The following BRINP2 variants were observed in gnomAD, a reference collection of about 807,000 sequenced individuals.
The protein encoded by BRINP2 is BMP/retinoic acid inducible neural specific 2, also known as BMP/retinoic acid-inducible neural-specific protein 2.
Under a neutral mutation model 69.2 loss-of-function variants are expected in BRINP2, and 21 were observed. That is an observed-to-expected ratio of 0.30 (90% CI 0.22 to 0.44). The LOEUF (loss-of-function observed/expected upper bound fraction) is 0.44, where lower values mean the gene tolerates loss of function less well. Ranked by LOEUF, BRINP2 falls within the 20% of genes least tolerant of loss-of-function variation. BRINP2 has a pLI of 1.00. For missense variants in BRINP2, 877 were observed against 986.0 expected, an observed-to-expected ratio of 0.89 and a Z score of 1.48; for synonymous variants, 380 against 394.1, an observed-to-expected ratio of 0.96 and a Z score of 0.42.
At chr1:177,273,637 T>TAA in intron 5 of BRINP2, 44 bp downstream of exon 5, 13 of 1,051,572 alleles carry the variant, frequency 1.2e-5, no homozygotes, top group Admixed American at 3.4e-5. Flanking sequence ...ACACCTGATT[T>TAA]AAAAAAAAAA....
intron 1 of BRINP2, among the ~76,000 whole-genome samples, chr1:177,178,991 A>T (rs1648169668): frequency 6.6e-6 from 1 of 152,192 alleles, no homozygotes; most frequent in African/African-American, 2.4e-5. Flanking sequence ...ATTTGATCCT[A>T]TAAGGTAAGT....
chr1:177,244,120 A>G (rs567169019), intron 2 of BRINP2, among the ~76,000 whole-genome samples: 38 of 152,318 alleles, frequency 2.5e-4, no homozygotes, highest in African/African-American at 8.2e-4. Context: ...AAAAATGTCA[A>G]TGTCACAAAT....
rs1649133086 is a variant in BRINP2 at position 177,208,726 on chromosome 1, A to C, written c.-76-21075A>C. The stretch of plus-strand genomic sequence containing the variant: ...AACACAGTTATCACAGTAAGTGCTG[A>C]AAAGGAAGGTGTCTAGGAGTGACAC... On this transcript the variant is annotated intron_variant, in intron 1 of 7. Transcript: ENST00000361539. Among the ~76,000 whole-genome samples the C allele has an allele frequency of 2.6e-5, 4 of 152,194 alleles. No homozygotes were observed. The South Asian group carries it at 6.2e-4, about 24-fold the overall frequency.
At chr1:177,215,159 G>A (rs1649338823) in intron 1 of BRINP2, among the ~76,000 whole-genome samples, 2 of 152,106 alleles carry the variant, frequency 1.3e-5, no homozygotes, top group African/African-American at 4.8e-5. Context: ...TGCAGTATTT[G>A]TCTTTCTGTA....
At chr1:177,235,998 C>T (rs1210685688) in intron 2 of BRINP2, among the ~76,000 whole-genome samples, 5 of 152,134 alleles carry the variant, frequency 3.3e-5, no homozygotes, top group Non-Finnish European at 7.3e-5. Context: ...GAACGGTATA[C>T]AAACTGGTAT....
intron 2 of BRINP2, among the ~76,000 whole-genome samples, chr1:177,238,939 T>C (rs998445505): frequency 6.6e-6 from 1 of 152,236 alleles, no homozygotes; most frequent in Non-Finnish European, 1.5e-5. Flanking sequence ...TGTACACTTA[T>C]ATAACAGATG....
At chr1:177,210,957 A>G (rs1191870547) in intron 1 of BRINP2, among the ~76,000 whole-genome samples, 2 of 148,582 alleles carry the variant, frequency 1.3e-5, no homozygotes, top group Non-Finnish European at 3.0e-5. Flanking sequence ...TTCTTTTTAT[A>G]TTTTTAATAT....
chr1:177,229,873 A>G lies in BRINP2; in HGVS notation c.-4A>G. The G allele has an allele frequency of 6.4e-7, 1 of 1,573,170 alleles. No homozygotes were observed. Among genetic ancestry groups the G allele is most frequent in the Non-Finnish European group, 8.7e-7 (1 of 1,154,188 alleles). ...AATGAAGAAACCAATCGCCCGGGAG[A>G]AGCATGAGGTGGCAGTGTGGCACTC... is the stretch of plus-strand genomic sequence containing the variant. On this transcript the variant is annotated 5_prime_UTR_variant, in exon 2 of 8. Coordinates refer to ENST00000361539, the MANE Select transcript of BRINP2 (RefSeq NM_021165.4).
Position 177,256,127 on chromosome 1 carries a change from C to T in BRINP2, c.460+18C>T. 1.2e-6 allele frequency: 2 copies of T among 1,610,830 alleles called. No individual in the cohort carries two copies. The highest frequency in any genetic ancestry group is 1.3e-5 in the African/African-American group (1 of 74,994). On this transcript the variant is annotated intron_variant, in intron 3 of 7. Coordinates refer to ENST00000361539, the MANE Select transcript of BRINP2 (RefSeq NM_021165.4). ...CCTTGGAGGTAAGCAACATCACAAT[C>T]CCAAGCTAATTGGTTGCCAGACCAT...
At chr1:177,199,789 T>C (rs1648848868) in intron 1 of BRINP2, among the ~76,000 whole-genome samples, 1 of 152,162 alleles carries the variant, frequency 6.6e-6, no homozygotes, top group Non-Finnish European at 1.5e-5. Context: ...AGTTATAGAA[T>C]ATAGCCAAAC....
At position 177,276,572 on chromosome 1, in the gene BRINP2, AAG is replaced by A. The variant is rs1236169451; in HGVS notation, c.1012+139_1012+140del. 5.7e-5 allele frequency: 45 copies of A among 784,508 alleles called. No individual in the cohort carries two copies. The African/African-American group carries it at 7.5e-4, about 13-fold the overall frequency. 48.6% of individuals were successfully genotyped at this position (784,508 alleles called of 1,614,324 possible). ...ACCACTTAATTGTGTCTGTGACCTC[AAG>A]CAGGTTATATCACCACCCTGAGGCT... On this transcript the variant is annotated intron_variant, in intron 6 of 7. Coordinates refer to ENST00000361539, the MANE Select transcript of BRINP2 (RefSeq NM_021165.4).
chr1:177,234,926 T>G (rs144279175), intron 2 of BRINP2, among the ~76,000 whole-genome samples: 3 of 152,252 alleles, frequency 2.0e-5, no homozygotes, highest in Middle Eastern at 6.8e-3. Flanking sequence ...AATCAGGTGA[T>G]TGGTGAATGA....
intron 3 of BRINP2, chr1:177,256,422 G>A (rs888574141): frequency 1.0e-6 from 1 of 985,410 alleles, no homozygotes; most frequent in Non-Finnish European, 1.2e-6. Flanking sequence ...CTGAGGCTTC[G>A]CCACTTTCTA....
intron 6 of BRINP2, among the ~76,000 whole-genome samples, chr1:177,276,677 A>G (rs1651505713): frequency 6.6e-6 from 1 of 152,238 alleles, no homozygotes; most frequent in South Asian, 2.1e-4. Flanking sequence ...TAATAAACAA[A>G]GATAAACATA....
Position 177,171,425 on chromosome 1 carries a change from C to A in BRINP2, c.-384C>A, listed in dbSNP as rs568440163. On this transcript the variant is annotated 5_prime_UTR_variant, in exon 1 of 8. Transcript: ENST00000361539. ...GGAGACCGGGATCCTGGCTGCTCAGCGGGAAGGCAGCAGGCAAGTGGTCTA... is the reference window on the plus strand; with the variant it reads ...GGAGACCGGGATCCTGGCTGCTCAGAGGGAAGGCAGCAGGCAAGTGGTCTA... The A allele has an allele frequency of 1.2e-3, 187 of 156,980 alleles. No individual in the cohort carries two copies. Among genetic ancestry groups the A allele is most frequent in the African/African-American group, 4.4e-3 (181 of 41,586 alleles). The allele number at this position is 156,980 out of a possible 1,614,324, so 9.7% of individuals were successfully genotyped here. A position where few individuals can be genotyped will look rare whatever the true frequency, so the allele number is the denominator to read the frequency against.
At chr1:177,182,086 G>A (rs1221748667) in intron 1 of BRINP2, among the ~76,000 whole-genome samples, 2 of 151,972 alleles carry the variant, frequency 1.3e-5, no homozygotes, top group African/African-American at 4.8e-5. Flanking sequence ...CTGGAACTAA[G>A]CTGATTAGTC....
chr1:177,276,063 C>A, intron 5 of BRINP2, 135 bp from the exon 6 acceptor site: 1 of 782,960 alleles, frequency 1.3e-6, no homozygotes, highest in Non-Finnish European at 2.2e-6. Flanking sequence ...CAGGATTAGG[C>A]CCTGTGGTGC....
At chr1:177,233,961 T>G (rs1394424350) in intron 2 of BRINP2, among the ~76,000 whole-genome samples, 1 of 152,182 alleles carries the variant, frequency 6.6e-6, no homozygotes, top group African/African-American at 2.4e-5. Context: ...CTTGGGCATT[T>G]CACCCAATTT....
chr1:177,255,794 AG>A, intron 2 of BRINP2, 124 bp from the exon 3 acceptor site: 1 of 978,738 alleles, frequency 1.0e-6, no homozygotes, highest in South Asian at 1.7e-5. Context: ...CCTCCAGCTG[AG>A]GGGATGTGGG....
Sources: allele counts gnomAD v4.1 joint callset (sites outside exome capture counted in the v4.1 genomes callset), GRCh38; gene constraint gnomAD v4.1.1; transcripts MANE v1.5; gene names NCBI Gene and HGNC (gene_info 2026-07-23, HGNC 2026-07-21).